EFNA5: variants seen among roughly 807,000 people sequenced by gnomAD.
EFNA5 encodes ephrin-A5.
In EFNA5, 5 loss-of-function variants were observed where a neutral mutation model predicts 22.9. The ratio of observed to expected loss-of-function variants is 0.22; its 90% CI spans 0.11 to 0.46. The LOEUF (loss-of-function observed/expected upper bound fraction) is 0.46. Among genes scored for constraint, EFNA5 ranks in the 20% least tolerant of loss-of-function variants. The pLI is 0.99. For missense variants in EFNA5, 237 were observed against 293.3 expected (o/e 0.81, Z 1.40); for synonymous variants, 113 against 112.2 (o/e 1.01, Z -0.04).
At chr5:107,444,968 A>C (rs1749352047) in intron 1 of EFNA5, among the ~76,000 whole-genome samples, 1 of 152,220 alleles carries the variant, frequency 6.6e-6, no homozygotes, top group Non-Finnish European at 1.5e-5. Flanking sequence ...TAACTTATTT[A>C]ATATTAAGTG....
intron 1 of EFNA5, among the ~76,000 whole-genome samples, chr5:107,538,133 T>C (rs998671274): frequency 4.6e-5 from 7 of 152,188 alleles, no homozygotes; most frequent in Non-Finnish European, 7.3e-5. Context: ...AGTCTGGAAA[T>C]GTCAGGCTAA....
chr5:107,590,452 T>G (rs1198792092), intron 1 of EFNA5, among the ~76,000 whole-genome samples: 2 of 151,996 alleles, frequency 1.3e-5, no homozygotes, highest in African/African-American at 4.8e-5. Context: ...TGCCGTGGAA[T>G]GGTCACAGCT....
intron 1 of EFNA5, among the ~76,000 whole-genome samples, chr5:107,586,551 G>C (rs979247098): frequency 3.9e-5 from 6 of 152,162 alleles, no homozygotes; most frequent in Non-Finnish European, 7.4e-5. Context: ...GGCATCCCTA[G>C]AGTGCTTTCA....
At chr5:107,539,739 T>C (rs970063282) in intron 1 of EFNA5, among the ~76,000 whole-genome samples, 5 of 152,102 alleles carry the variant, frequency 3.3e-5, no homozygotes, top group South Asian at 4.1e-4. Context: ...TTACAGGCTA[T>C]AGGCACAAGC....
At chr5:107,472,225 C>G (rs1314300330) in intron 1 of EFNA5, among the ~76,000 whole-genome samples, 1 of 152,202 alleles carries the variant, frequency 6.6e-6, no homozygotes, top group Non-Finnish European at 1.5e-5. Context: ...TCTAGCAGAT[C>G]TCACAACTAG....
At chr5:107,400,522 T>A (rs1384082947) in intron 2 of EFNA5, among the ~76,000 whole-genome samples, 1 of 152,168 alleles carries the variant, frequency 6.6e-6, no homozygotes, top group African/African-American at 2.4e-5. Context: ...AGTTATAGAT[T>A]TGTTTGTTTC....
chr5:107,589,048 C>A (rs1749256217), intron 1 of EFNA5, among the ~76,000 whole-genome samples: 1 of 152,280 alleles, frequency 6.6e-6, no homozygotes, highest in Non-Finnish European at 1.5e-5. Context: ...CAAGCCCCTA[C>A]CTGCTATGTG....
chr5:107,542,560 G>A lies in EFNA5; in HGVS notation c.126-115051C>T, dbSNP rs538111399. Among the ~76,000 whole-genome samples, 14 of 152,106 alleles carry A rather than the reference G, an allele frequency of 9.2e-5. No homozygotes were observed. The South Asian group carries it at 2.9e-3, about 32-fold the overall frequency. On this transcript the variant is annotated intron_variant, in intron 1 of 4. Coordinates refer to ENST00000333274, the MANE Select transcript of EFNA5 (RefSeq NM_001962.3). ...TCTGTGTTGTTGTGGTATAAGGGGG[G>A]GGTGCGGGGAGGGGGTAGGTGCTGG...
chr5:107,458,048 C>T (rs1450161460), intron 1 of EFNA5, among the ~76,000 whole-genome samples: 1 of 152,138 alleles, frequency 6.6e-6, no homozygotes, highest in African/African-American at 2.4e-5. Context: ...ATGCTGTTCC[C>T]TCTAAACCAC....
intron 1 of EFNA5, among the ~76,000 whole-genome samples, chr5:107,538,981 G>A (rs73777891): frequency 0.011 from 1,734 of 152,284 alleles, 27 homozygotes; most frequent in African/African-American, 0.039. Flanking sequence ...GAACAAAAGC[G>A]ACTGTCACAA....
chr5:107,660,708 A>G (rs1750935973), intron 1 of EFNA5, among the ~76,000 whole-genome samples: 1 of 152,162 alleles, frequency 6.6e-6, no homozygotes. Flanking sequence ...AGTATTTAAA[A>G]TAAAGTATCC....
At chr5:107,566,266 G>A (rs1317838140) in intron 1 of EFNA5, among the ~76,000 whole-genome samples, 12 of 152,086 alleles carry the variant, frequency 7.9e-5, no homozygotes, top group Non-Finnish European at 8.8e-5. Context: ...CTTATTCAAA[G>A]CAGCTTTCAC....
chr5:107,480,274 A>G (rs953086071), intron 1 of EFNA5, among the ~76,000 whole-genome samples: 2 of 152,248 alleles, frequency 1.3e-5, no homozygotes, highest in Admixed American at 6.5e-5. Flanking sequence ...CTAAAACAGT[A>G]TACACTTTTA....
Position 107,433,353 on chromosome 5 carries a change from T to C in EFNA5, c.126-5844A>G, listed in dbSNP as rs548025032. Among the ~76,000 whole-genome samples the C allele has an allele frequency of 3.3e-5, 5 of 152,342 alleles. No homozygotes were observed. The South Asian group carries it at 1.0e-3, about 32-fold the overall frequency. ...TAAAATTCAGCATGGCAACTAGTCC[T>C]TTGCAATCATCTCAAATACCAAAAA... On this transcript the variant is annotated intron_variant, in intron 1 of 4. Coordinates refer to ENST00000333274, the MANE Select transcript of EFNA5 (RefSeq NM_001962.3).
At chr5:107,388,915 C>T (rs1424010876) in intron 2 of EFNA5, among the ~76,000 whole-genome samples, 3 of 152,072 alleles carry the variant, frequency 2.0e-5, no homozygotes, top group Non-Finnish European at 4.4e-5. Flanking sequence ...CACAAAAATG[C>T]TTCTTTTGCA....
intron 1 of EFNA5, among the ~76,000 whole-genome samples, chr5:107,533,434 A>G (rs898651915): frequency 1.3e-5 from 2 of 152,184 alleles, no homozygotes; most frequent in African/African-American, 4.8e-5. Flanking sequence ...CCACTCCTGA[A>G]AAAGCCCAGA....
At chr5:107,631,086 T>C (rs938756134) in intron 1 of EFNA5, among the ~76,000 whole-genome samples, 1 of 151,914 alleles carries the variant, frequency 6.6e-6, no homozygotes, top group South Asian at 2.1e-4. Context: ...TGCAGTTAAC[T>C]TTTTTTATAT....
At chr5:107,381,724 C>CTT (rs1747468402) in intron 4 of EFNA5, among the ~76,000 whole-genome samples, 1 of 151,696 alleles carries the variant, frequency 6.6e-6, no homozygotes, top group South Asian at 2.1e-4. Context: ...CCTAAGATGT[C>CTT]ACAGGCAAGC....
rs546159014 is a variant in EFNA5 at position 107,517,888 on chromosome 5, G to A, written c.126-90379C>T. Among the ~76,000 whole-genome samples, 155 of 152,280 alleles carry A rather than the reference G, an allele frequency of 1.0e-3. 3 individuals are homozygous for A. The highest frequency in any genetic ancestry group is 7.6e-4 in the Non-Finnish European group (52 of 68,014). ...AGCGTTTTTGTCTACTCAATTGTCA[G>A]GGTCAAAGTAGAATTGGGTTGGGTT... On this transcript the variant is annotated intron_variant, in intron 1 of 4. Transcript: ENST00000333274.
Sources: allele counts gnomAD v4.1 joint callset (sites outside exome capture counted in the v4.1 genomes callset), GRCh38; gene constraint gnomAD v4.1.1; transcripts MANE v1.5; gene names NCBI Gene and HGNC (gene_info 2026-07-23, HGNC 2026-07-21).